The following ULK4 variants were observed in gnomAD, a reference collection of about 807,000 sequenced individuals.
The protein encoded by ULK4 is inactive serine/threonine-protein kinase ULK4.
A neutral mutation model predicts 160.6 loss-of-function variants in ULK4; 133 were observed. That is an observed-to-expected ratio of 0.83 (90% CI 0.72 to 0.96). The LOEUF (loss-of-function observed/expected upper bound fraction) is 0.96, where lower values mean the gene tolerates loss of function less well. Ranked by LOEUF, ULK4 falls within the 40% of genes least tolerant of loss-of-function variation. The pLI is 0.00. For synonymous variants in ULK4, 534 were observed against 539.8 expected (o/e 0.99, Z 0.15); for missense variants, 1,580 against 1,499.5 (o/e 1.05, Z -0.89).
chr3:41,855,075 T>C (rs2042302722), intron 17 of ULK4, among the ~76,000 whole-genome samples: 1 of 151,398 alleles, frequency 6.6e-6, no homozygotes, highest in Non-Finnish European at 1.5e-5. Flanking sequence ...ACCAAGCAAC[T>C]GCATGGCAGT....
At position 41,937,506 on chromosome 3, in the gene ULK4, T is replaced by C. The variant is rs574259517; in HGVS notation, c.238+592A>G. 5.9e-5 allele frequency among the ~76,000 whole-genome samples: 9 copies of C among 152,312 alleles called. No homozygotes were observed. The East Asian group carries it at 1.2e-3, about 20-fold the overall frequency. ...ACTCAATGTATAAACAGAAGTACACTAACAGTAATACCTATTAATAGTTAA... is the reference window on the plus strand; with the variant it reads ...ACTCAATGTATAAACAGAAGTACACCAACAGTAATACCTATTAATAGTTAA... On this transcript the variant is annotated intron_variant, in intron 3 of 36. Coordinates refer to ENST00000301831, the MANE Select transcript of ULK4 (RefSeq NM_017886.4).
intron 21 of ULK4, among the ~76,000 whole-genome samples, chr3:41,775,468 G>C (rs994363885): frequency 1.3e-5 from 2 of 148,510 alleles, no homozygotes; most frequent in African/African-American, 5.1e-5. Flanking sequence ...GTGCAATCTG[G>C]GCTCACTGCA....
At chr3:41,646,642 A>T (rs1433104298) in intron 30 of ULK4, among the ~76,000 whole-genome samples, 1 of 152,036 alleles carries the variant, frequency 6.6e-6, no homozygotes. Flanking sequence ...CCTTCATTTC[A>T]ACTATGGTGA....
chr3:41,251,463 A>C (rs2078741311), intron 35 of ULK4, among the ~76,000 whole-genome samples: 1 of 152,224 alleles, frequency 6.6e-6, no homozygotes, highest in Non-Finnish European at 1.5e-5. Context: ...CAACAGGTAA[A>C]TAGGAGAGGA....
At chr3:41,254,590 A>G (rs1052287758) in intron 35 of ULK4, among the ~76,000 whole-genome samples, 6 of 152,158 alleles carry the variant, frequency 3.9e-5, no homozygotes, top group African/African-American at 1.4e-4. Flanking sequence ...TCAAGGAACT[A>G]GGAAAAAAGG....
chr3:41,808,217 T>C (rs1321795108), intron 19 of ULK4, among the ~76,000 whole-genome samples: 1 of 152,214 alleles, frequency 6.6e-6, no homozygotes, highest in Non-Finnish European at 1.5e-5. Context: ...GTCTTATTTC[T>C]TATGAAGTTC....
chr3:41,859,355 G>C (rs1559613292), intron 17 of ULK4: 1 of 589,108 alleles, frequency 1.7e-6, no homozygotes, highest in Non-Finnish European at 3.3e-6. Flanking sequence ...CCTCCTCAAG[G>C]CCAATGATGC....
chr3:41,427,871 T>A (rs1208159082), intron 34 of ULK4, among the ~76,000 whole-genome samples: 2 of 151,762 alleles, frequency 1.3e-5, no homozygotes, highest in East Asian at 3.9e-4. Flanking sequence ...AAGACAAGGA[T>A]GCCCTCACTC....
At chr3:41,954,897 TA>T in intron 1 of ULK4, 90 bp from the exon 2 acceptor site, 1 of 806,680 alleles carries the variant, frequency 1.2e-6, no homozygotes, top group Non-Finnish European at 1.8e-6. Context: ...ATTATATGTG[TA>T]AAAAATCTAG....
At chr3:41,826,853 T>C (rs928406453) in intron 18 of ULK4, among the ~76,000 whole-genome samples, 1 of 143,212 alleles carries the variant, frequency 7.0e-6, no homozygotes, top group African/African-American at 2.8e-5. Context: ...CAACAGAATA[T>C]ACATTTTTTT....
intron 34 of ULK4, among the ~76,000 whole-genome samples, chr3:41,405,377 T>C (rs757250821): frequency 6.6e-6 from 1 of 152,190 alleles, no homozygotes; most frequent in South Asian, 2.1e-4. Flanking sequence ...CAATCCACTG[T>C]TGATGGGCAC....
chr3:41,824,324 C>G (rs1425488646), intron 18 of ULK4, among the ~76,000 whole-genome samples: 1 of 151,978 alleles, frequency 6.6e-6, no homozygotes, highest in East Asian at 1.9e-4. Context: ...GGGTGCAGGA[C>G]AGTGGGTGCA....
intron 27 of ULK4, among the ~76,000 whole-genome samples, chr3:41,684,547 G>A (rs145493776): frequency 4.1e-4 from 63 of 152,298 alleles, no homozygotes; most frequent in African/African-American, 1.4e-3. Context: ...AAAGGACCTG[G>A]AGACTGAGAC....
At chr3:41,763,578 A>G (rs2039061902) in intron 21 of ULK4, among the ~76,000 whole-genome samples, 1 of 152,238 alleles carries the variant, frequency 6.6e-6, no homozygotes, top group Non-Finnish European at 1.5e-5. Context: ...TTGTGTGACT[A>G]TAGAAACATT....
intron 35 of ULK4, chr3:41,278,157 G>C (rs981286141): frequency 6.6e-6 from 1 of 152,316 alleles, no homozygotes; most frequent in Non-Finnish European, 1.5e-5. Context: ...TGCCTGGCTC[G>C]GTAGGTCCCA....
chr3:41,453,426 C>T (rs2083467170), intron 34 of ULK4, among the ~76,000 whole-genome samples: 1 of 152,210 alleles, frequency 6.6e-6, no homozygotes, highest in Non-Finnish European at 1.5e-5. Flanking sequence ...ATTCTCCCAT[C>T]TCGACCACCC....
chr3:41,311,562 A>AATT (rs766264558), intron 35 of ULK4, among the ~76,000 whole-genome samples: 12 of 151,862 alleles, frequency 7.9e-5, no homozygotes, highest in Non-Finnish European at 1.5e-4. Context: ...AATACTTAAT[A>AATT]AACTCCTTTT....
chr3:41,738,463 C>T (rs1188446006), intron 22 of ULK4, among the ~76,000 whole-genome samples: 3 of 151,986 alleles, frequency 2.0e-5, no homozygotes, highest in Admixed American at 1.3e-4. Context: ...CCCTAAAACA[C>T]TCTGCAAAGA....
intron 32 of ULK4, among the ~76,000 whole-genome samples, chr3:41,484,391 G>C (rs1575289665): frequency 6.6e-6 from 1 of 151,844 alleles, no homozygotes; most frequent in East Asian, 1.9e-4. Flanking sequence ...CCTGGACTGG[G>C]CGCCTGGAGA....
Sources: gnomAD v4.1 joint callset for allele counts (sites outside exome capture counted in the v4.1 genomes callset) on GRCh38, gnomAD v4.1.1 for gene constraint, MANE v1.5 for transcripts, NCBI Gene and HGNC (gene_info 2026-07-23, HGNC 2026-07-21) for gene names.